The following IGFBP5 variants were observed in gnomAD, a reference collection of about 807,000 sequenced individuals.
IGFBP5 encodes insulin-like growth factor-binding protein 5.
IGFBP5 carries 12 observed loss-of-function variants against 28.0 expected under a neutral mutation model. The observed-to-expected ratio is 0.43, with a 90% CI of 0.27 to 0.69. The LOEUF (loss-of-function observed/expected upper bound fraction) is 0.69. Among genes scored for constraint, IGFBP5 ranks in the 30% least tolerant of loss-of-function variants. IGFBP5 has a pLI of 0.20. For synonymous variants in IGFBP5, 152 were observed against 150.2 expected (o/e 1.01, Z -0.09); for missense variants, 344 against 381.6 (o/e 0.90, Z 0.82).
Position 216,680,666 on chromosome 2 carries a change from A to G in IGFBP5, c.338-1587T>C, listed in dbSNP as rs11575185. Among the ~76,000 whole-genome samples, 1,497 of 152,300 alleles carry G rather than the reference A, an allele frequency of 9.8e-3. 11 individuals carry two copies. Among genetic ancestry groups the G allele is most frequent in the South Asian group, 0.018 (89 of 4,822 alleles). ...CCTTGGCAGAGAAGGTCCCTGCCCT[A>G]AAGAAGCCTCCAAAGGTTCGCAGCG... On this transcript the variant is annotated intron_variant, in intron 1 of 3. Transcript: ENST00000233813.
In IGFBP5 at chr2:216,692,362, CGTGTGTGTGTGTGTGTGT is replaced by C. The variant is rs59144401; in HGVS notation, c.337+2059_337+2076del. Among the ~76,000 whole-genome samples the C allele has an allele frequency of 6.7e-4, 95 of 142,534 alleles. 1 individual carries two copies. Among genetic ancestry groups the C allele is most frequent in the South Asian group, 3.1e-3 (13 of 4,176 alleles). The allele number at this position is 142,534 out of a possible 152,430, so 93.5% of individuals were successfully genotyped here. A position where few individuals can be genotyped will look rare whatever the true frequency, so the allele number is the denominator to read the frequency against. Reference sequence around the variant, plus strand: ...GGGATCTTGCTTGGGACTGAAGTGTCGTGTGTGTGTGTGTGTGTGTGTGTGTGTGTGTGTGTGTGTGAT... The same window carrying C: ...GGGATCTTGCTTGGGACTGAAGTGTCGTGTGTGTGTGTGTGTGTGTGTGAT... On this transcript the variant is annotated intron_variant, in intron 1 of 3. Coordinates refer to ENST00000233813, the MANE Select transcript of IGFBP5 (RefSeq NM_000599.4). The surrounding 1 kb of genome is among the most constrained non-coding windows in gnomAD (Gnocchi z 4.2).
intron 1 of IGFBP5, among the ~76,000 whole-genome samples, chr2:216,685,403 A>AT (rs1689023020): frequency 6.6e-6 from 1 of 152,240 alleles, no homozygotes; most frequent in African/African-American, 2.4e-5. Flanking sequence ...TCGTGGCCAC[A>AT]TATGGACATT....
Position 216,672,992 on chromosome 2 carries a change from G to A in IGFBP5, c.*3759C>T, listed in dbSNP as rs577106710. 2.0e-5 allele frequency: 3 copies of A among 152,824 alleles called. No homozygotes were observed. The highest frequency in any genetic ancestry group is 2.1e-4 in the South Asian group (1 of 4,818). The allele number at this position is 152,824 out of a possible 1,614,324, so 9.5% of individuals were successfully genotyped here. A position where few individuals can be genotyped will look rare whatever the true frequency, so the allele number is the denominator to read the frequency against. On this transcript the variant is annotated 3_prime_UTR_variant, in exon 4 of 4. Transcript: ENST00000233813. ...TCGTCCCTCCTCCACTTTGCAAAAC[G>A]GAGCCTCCTTTCTCTTGGAAGCCAG...
At chr2:216,681,433 C>T (rs1025957599) in intron 1 of IGFBP5, among the ~76,000 whole-genome samples, 10 of 152,064 alleles carry the variant, frequency 6.6e-5, no homozygotes, top group South Asian at 2.1e-4. Flanking sequence ...CCAGCGCATG[C>T]GTCTATGCGT....
intron 3 of IGFBP5, 100 bp downstream of exon 3, chr2:216,678,012 G>C: frequency 8.5e-7 from 1 of 1,176,828 alleles, no homozygotes; most frequent in South Asian, 2.7e-5. Flanking sequence ...ACACTAAGTG[G>C]TTAACGGTGG....
chr2:216,684,905 C>T (rs757472496), intron 1 of IGFBP5, among the ~76,000 whole-genome samples: 3 of 152,204 alleles, frequency 2.0e-5, no homozygotes, highest in Non-Finnish European at 2.9e-5. Context: ...GGGAAGCAGA[C>T]AGATGAGCGT....
At chr2:216,678,673 T>TAAGTG in intron 2 of IGFBP5, 177 bp downstream of exon 2, 1 of 612,118 alleles carries the variant, frequency 1.6e-6, no homozygotes, top group Non-Finnish European at 2.9e-6. Flanking sequence ...CACAAGCCCT[T>TAAGTG]GGCCCTGACA....
intron 1 of IGFBP5, among the ~76,000 whole-genome samples, chr2:216,685,781 C>T (rs1689027780): frequency 6.6e-6 from 1 of 152,214 alleles, no homozygotes; most frequent in Admixed American, 6.5e-5. Context: ...GCTGTGGACA[C>T]TTCCAGGGAA....
intron 1 of IGFBP5, among the ~76,000 whole-genome samples, chr2:216,680,070 G>A (rs1054165742): frequency 9.9e-5 from 15 of 152,038 alleles, no homozygotes; most frequent in Admixed American, 2.6e-4. Context: ...TCTCCTCTCA[G>A]ATCCTTGACC....
chr2:216,676,972 G>C (rs1688908429), intron 3 of IGFBP5, 90 bp from the exon 4 acceptor site: 1 of 1,444,356 alleles, frequency 6.9e-7, no homozygotes, highest in Admixed American at 1.9e-5. Flanking sequence ...CCCAAGGCAA[G>C]ACTCTCATCC....
chr2:216,687,546 C>G (rs1415409680), intron 1 of IGFBP5, among the ~76,000 whole-genome samples: 1 of 152,174 alleles, frequency 6.6e-6, no homozygotes, highest in Admixed American at 6.5e-5. Context: ...TGGGAAGCAG[C>G]TGGCGATAAC....
At chr2:216,685,426 C>T (rs1020312594) in intron 1 of IGFBP5, among the ~76,000 whole-genome samples, 4 of 152,302 alleles carry the variant, frequency 2.6e-5, no homozygotes, top group Non-Finnish European at 4.4e-5. Context: ...AGACCTGCAA[C>T]GCTTCCATCA....
intron 2 of IGFBP5, 150 bp from the exon 3 acceptor site, chr2:216,678,381 T>A (rs552182906): frequency 1.3e-5 from 11 of 822,678 alleles, no homozygotes; most frequent in Non-Finnish European, 1.9e-5. Context: ...AGATCTTTCC[T>A]CCCTGTCACC....
rs1020717586 is a variant in IGFBP5 at position 216,692,050 on chromosome 2, C to A, written c.337+2389G>T. On this transcript the variant is annotated intron_variant, in intron 1 of 3. Coordinates refer to ENST00000233813, the MANE Select transcript of IGFBP5 (RefSeq NM_000599.4). The surrounding 1 kb of genome is among the most constrained non-coding windows in gnomAD (Gnocchi z 4.2). ...CCATTTCTCTCTCCTTAAGAACGGT[C>A]TCTACACCATCTCCAACTTTTTGGG... Among the ~76,000 whole-genome samples, 6 of 152,040 alleles carry A rather than the reference C, an allele frequency of 3.9e-5. No individual in the cohort carries two copies. In the South Asian group the frequency reaches 1.2e-3, roughly 32 times the overall value.
chr2:216,686,608 C>T (rs1689037122), intron 1 of IGFBP5, among the ~76,000 whole-genome samples: 1 of 150,844 alleles, frequency 6.6e-6, no homozygotes, highest in Non-Finnish European at 1.5e-5. Context: ...CAGAGTGAGA[C>T]CTTGTTTCTA....
At position 216,694,694 on chromosome 2, in the gene IGFBP5, C is replaced by A; in HGVS notation, c.82G>T (p.Glu28Ter). 6.6e-7 allele frequency: 1 copy of A among 1,512,076 alleles called. No homozygotes were observed. The highest frequency in any genetic ancestry group is 8.8e-7 in the Non-Finnish European group (1 of 1,134,334). The allele number at this position is 1,512,076 out of a possible 1,614,324, so 93.7% of individuals were successfully genotyped here. The change falls in exon 1 of 4, where the codon GAG (glutamate) becomes TAG (stop). Residue 28 changes from glutamate to a stop codon, truncating the protein, a stop_gained. Coordinates refer to ENST00000233813, the MANE Select transcript of IGFBP5 (RefSeq NM_000599.4). LOFTEE classifies it high-confidence loss of function. The surrounding 1 kb of genome is among the most constrained non-coding windows in gnomAD (Gnocchi z 5.2). ...GAGAGGGCTTTCTCGTCGCAGGGCT[C>A]GCAGTGCACGAAGGAGCCCAGGCTC... ...AQSLGSFVHC[E>*]PCDEKALSMC...
intron 1 of IGFBP5, among the ~76,000 whole-genome samples, chr2:216,687,844 G>T (rs1689049156): frequency 6.6e-6 from 1 of 152,204 alleles, no homozygotes; most frequent in South Asian, 2.1e-4. Flanking sequence ...ATGACCAGAA[G>T]GGGGCGGCAG....
rs756485279 is a variant in IGFBP5 at position 216,679,880 on chromosome 2, G to A, written c.338-801C>T. ...GAGAGGCCGACAGCTGGCTGAGACC[G>A]GGACAGTTATATATAGGAGTGGCTT... On this transcript the variant is annotated intron_variant, in intron 1 of 3. Coordinates refer to ENST00000233813, the MANE Select transcript of IGFBP5 (RefSeq NM_000599.4). This position sits in a 1 kb window ranked among gnomAD's most constrained non-coding sequence, Gnocchi z 4.6. 3.3e-5 allele frequency among the ~76,000 whole-genome samples: 5 copies of A among 152,168 alleles called. No homozygotes were observed. Among genetic ancestry groups the A allele is most frequent in the Non-Finnish European group, 7.4e-5 (5 of 68,008 alleles).
In IGFBP5 at chr2:216,673,621, G is replaced by A. The variant is rs1688861922; in HGVS notation, c.*3130C>T. On this transcript the variant is annotated 3_prime_UTR_variant, in exon 4 of 4. Coordinates refer to ENST00000233813, the MANE Select transcript of IGFBP5 (RefSeq NM_000599.4). The surrounding 1 kb of genome is among the most constrained non-coding windows in gnomAD (Gnocchi z 4.3). ...GGCAGCACTTAGATTCGGAGCCATG[G>A]ATAGTCCGGAGTCCAAGGTCTCTGG... 6.6e-6 allele frequency: 1 copy of A among 152,496 alleles called. No individual in the cohort carries two copies. The highest frequency in any genetic ancestry group is 2.4e-5 in the African/African-American group (1 of 41,462). 9.4% of individuals were successfully genotyped at this position (152,496 alleles called of 1,614,324 possible). A position where few individuals can be genotyped will look rare whatever the true frequency, so the allele number is the denominator to read the frequency against.
Sources: allele counts gnomAD v4.1 joint callset (sites outside exome capture counted in the v4.1 genomes callset), GRCh38; gene constraint gnomAD v4.1.1; non-coding constraint Gnocchi (gnomAD v3.1); transcripts MANE v1.5; gene names NCBI Gene and HGNC (gene_info 2026-07-23, HGNC 2026-07-21).